The following HPSE2 variants were observed in gnomAD, a reference collection of about 807,000 sequenced individuals.
HPSE2 encodes the protein inactive heparanase-2.
A neutral mutation model predicts 60.5 loss-of-function variants in HPSE2; 38 were observed. The ratio of observed to expected loss-of-function variants is 0.63; its 90% CI spans 0.48 to 0.82. The LOEUF is 0.82. Among genes scored for constraint, HPSE2 ranks in the 40% least tolerant of loss-of-function variants. The probability of loss-of-function intolerance (pLI) is 0.00; values close to 1 mark genes in which losing one functional copy is unlikely to be tolerated. For missense variants in HPSE2, 713 were observed against 740.4 expected (o/e 0.96, Z 0.43); for synonymous variants, 295 against 293.2 (o/e 1.01, Z -0.06).
intron 9 of HPSE2, among the ~76,000 whole-genome samples, chr10:98,564,664 C>A (rs1281909262): frequency 6.6e-6 from 1 of 152,202 alleles, no homozygotes; most frequent in Non-Finnish European, 1.5e-5. Context: ...TACCTACGTA[C>A]CTCCTGGAGG....
chr10:98,631,819 C>T (rs753640903), intron 7 of HPSE2, among the ~76,000 whole-genome samples: 6 of 152,294 alleles, frequency 3.9e-5, no homozygotes, highest in Non-Finnish European at 7.3e-5. Context: ...AAAGTCTTGT[C>T]GTCTTCCACT....
chr10:98,719,359 A>T (rs1163993027), intron 5 of HPSE2, among the ~76,000 whole-genome samples: 1 of 152,138 alleles, frequency 6.6e-6, no homozygotes, highest in Non-Finnish European at 1.5e-5. Flanking sequence ...TAAGTGCTAT[A>T]GCAGAAAAAT....
intron 3 of HPSE2, among the ~76,000 whole-genome samples, chr10:98,765,286 T>G (rs1565147404): frequency 6.6e-6 from 1 of 152,000 alleles, no homozygotes; most frequent in African/African-American, 2.4e-5. Flanking sequence ...ATAAAAGAAC[T>G]CAAATCATAC....
At chr10:98,701,716 T>G (rs1032898041) in intron 5 of HPSE2, among the ~76,000 whole-genome samples, 32 of 152,060 alleles carry the variant, frequency 2.1e-4, no homozygotes, top group Admixed American at 6.6e-4. Context: ...CTAAGCTTCA[T>G]AAATGAAGGA....
chr10:98,854,799 A>C (rs1952268769), intron 3 of HPSE2, among the ~76,000 whole-genome samples: 1 of 152,214 alleles, frequency 6.6e-6, no homozygotes, highest in Admixed American at 6.5e-5. Context: ...TTGTAGATTT[A>C]GTTTTATAGG....
At chr10:99,211,965 T>G (rs1848965998) in intron 2 of HPSE2, among the ~76,000 whole-genome samples, 1 of 152,154 alleles carries the variant, frequency 6.6e-6, no homozygotes, top group Non-Finnish European at 1.5e-5. Flanking sequence ...AAGCAGTTAA[T>G]ATTCAAAATA....
intron 9 of HPSE2, among the ~76,000 whole-genome samples, chr10:98,529,448 T>G (rs1028499147): frequency 1.3e-5 from 2 of 152,174 alleles, no homozygotes; most frequent in Non-Finnish European, 2.9e-5. Flanking sequence ...GCCATCCATC[T>G]TCTCCATTTT....
intron 3 of HPSE2, among the ~76,000 whole-genome samples, chr10:98,975,516 A>G (rs557756135): frequency 4.6e-5 from 7 of 152,278 alleles, no homozygotes; most frequent in Admixed American, 3.3e-4. Context: ...TATTAGATTT[A>G]ATGAAGGAAC....
In HPSE2 at chr10:99,069,089, GGGAATACTTCCC is replaced by G. The variant is rs1290271729; in HGVS notation, c.610+75137_610+75148del. Among the ~76,000 whole-genome samples the G allele has an allele frequency of 3.6e-4, 55 of 152,280 alleles. 1 individual carries two copies. The East Asian group carries it at 4.1e-3, about 11-fold the overall frequency. On this transcript the variant is annotated intron_variant, in intron 3 of 11. Coordinates refer to ENST00000370552, the MANE Select transcript of HPSE2 (RefSeq NM_021828.5). ...AACTCTTCCAGTAACTGAAGATGCAGGGAATACTTCCCAACTCATTCTATAAGTTCAGTACTT... is the reference window on the plus strand; with the variant it reads ...AACTCTTCCAGTAACTGAAGATGCAGAACTCATTCTATAAGTTCAGTACTT...
At chr10:98,795,071 G>GGAAGGAAGGAAA in intron 3 of HPSE2, among the ~76,000 whole-genome samples, 2 of 147,660 alleles carry the variant, frequency 1.4e-5, no homozygotes, top group African/African-American at 5.1e-5. Flanking sequence ...AAGGAAAGAA[G>GGAAGGAAGGAAA]GAAGGAAGGA....
chr10:98,665,204 G>A (rs1454631201), intron 6 of HPSE2, among the ~76,000 whole-genome samples: 1 of 152,116 alleles, frequency 6.6e-6, no homozygotes, highest in East Asian at 1.9e-4. Context: ...TCAGTTTGAA[G>A]ACTGACTCTT....
chr10:99,060,997 T>A (rs994009699), intron 3 of HPSE2, among the ~76,000 whole-genome samples: 6 of 150,388 alleles, frequency 4.0e-5, no homozygotes, highest in East Asian at 2.0e-4. Flanking sequence ...AAAATTTAAA[T>A]TTTTTTTTTA....
chr10:98,653,066 T>C (rs1565050468), intron 6 of HPSE2, among the ~76,000 whole-genome samples: 1 of 152,212 alleles, frequency 6.6e-6, no homozygotes, highest in East Asian at 1.9e-4. Context: ...CATACATGTT[T>C]AGGATAATTC....
At chr10:98,856,092 G>C (rs190781482) in intron 3 of HPSE2, among the ~76,000 whole-genome samples, 11 of 152,140 alleles carry the variant, frequency 7.2e-5, no homozygotes, top group African/African-American at 1.2e-4. Context: ...CATACTAAAG[G>C]CCTAGCAGAA....
Position 98,473,710 on chromosome 10 carries a change from T to C in HPSE2, c.1613+8926A>G, listed in dbSNP as rs918529755. 9.2e-5 allele frequency among the ~76,000 whole-genome samples: 14 copies of C among 151,966 alleles called. 1 individual carries two copies. The highest frequency in any genetic ancestry group is 7.9e-4 in the Admixed American group (12 of 15,260). ...CTTTTAGGGTAGATATATAGAAAAA[T>C]TGATAAAGAAGAAGATATAGATTTT... On this transcript the variant is annotated intron_variant, in intron 11 of 11. Coordinates refer to ENST00000370552, the MANE Select transcript of HPSE2 (RefSeq NM_021828.5).
chr10:98,560,580 G>A (rs1195217010), intron 9 of HPSE2, among the ~76,000 whole-genome samples: 4 of 152,170 alleles, frequency 2.6e-5, no homozygotes, highest in Non-Finnish European at 5.9e-5. Context: ...TCTTCACCGA[G>A]TGTATTTTCT....
At chr10:99,145,724 C>T (rs970347809) in intron 2 of HPSE2, among the ~76,000 whole-genome samples, 1 of 152,050 alleles carries the variant, frequency 6.6e-6, no homozygotes, top group African/African-American at 2.4e-5. Flanking sequence ...AAAACTAATG[C>T]CCATGTTAAT....
intron 3 of HPSE2, among the ~76,000 whole-genome samples, chr10:98,918,038 C>A (rs904409794): frequency 6.6e-6 from 1 of 152,168 alleles, no homozygotes; most frequent in Non-Finnish European, 1.5e-5. Context: ...CATTTCTGTA[C>A]ACATATGTTA....
chr10:98,838,387 T>G (rs1589919912), intron 3 of HPSE2, among the ~76,000 whole-genome samples: 1 of 152,330 alleles, frequency 6.6e-6, no homozygotes, highest in East Asian at 1.9e-4. Context: ...GAATGCATTA[T>G]ATTATTTCTA....
Sources: allele counts gnomAD v4.1 joint callset (sites outside exome capture counted in the v4.1 genomes callset), GRCh38; gene constraint gnomAD v4.1.1; transcripts MANE v1.5; gene names NCBI Gene and HGNC (gene_info 2026-07-23, HGNC 2026-07-21).